Variants in IQCE observed in about 807,000 individuals in gnomAD.
IQCE encodes IQ domain-containing protein E.
In IQCE, 115 loss-of-function variants were observed where a neutral mutation model predicts 96.0. The observed-to-expected ratio is 1.20, with a 90% CI of 1.03 to 1.40. The LOEUF is 1.40. IQCE is among the 40% of genes most tolerant of loss of function. IQCE has a pLI of 0.00. For synonymous variants in IQCE, 412 were observed against 371.2 expected (o/e 1.11, Z -1.26); for missense variants, 1,041 against 909.1 (o/e 1.15, Z -1.87).
At position 2,590,022 on chromosome 7, in the gene IQCE, A is replaced by G. The variant is rs776623235; in HGVS notation, c.1160A>G (p.Asn387Ser). The G allele has an allele frequency of 5.0e-6, 8 of 1,613,754 alleles. No homozygotes were observed. Among genetic ancestry groups the G allele is most frequent in the African/African-American group, 1.3e-5 (1 of 74,950 alleles). Residue 387 changes from asparagine to serine, a missense_variant, in exon 14 of 22, where the codon AAC (asparagine) becomes AGC (serine). By Grantham distance (46) the Asn-to-Ser change is conservative. Transcript: ENST00000402050. Reference sequence around the variant, plus strand: ...CACAGACAGCCACGAGGGGACCGCAACAAGGACCACGAGCGTCTCCGAGGG... The same window carrying G: ...CACAGACAGCCACGAGGGGACCGCAGCAAGGACCACGAGCGTCTCCGAGGG... ...ALHRQPRGDR[N>S]KDHERLRGAV...
intron 18 of IQCE, 49 bp from the exon 19 acceptor site, chr7:2,604,832 C>G (rs1464740198): frequency 6.3e-6 from 9 of 1,422,744 alleles, no homozygotes; most frequent in Non-Finnish European, 8.9e-6. Flanking sequence ...CCCGCCGTTG[C>G]CCCGGGCACT....
intron 1 of IQCE, among the ~76,000 whole-genome samples, chr7:2,560,008 C>T (rs1780822116): frequency 6.6e-6 from 1 of 152,036 alleles, no homozygotes; most frequent in Admixed American, 6.6e-5. Flanking sequence ...AAAACCATCA[C>T]ATTAGCCGAG....
Position 2,599,163 on chromosome 7 carries a change from C to G in IQCE, c.1608+531C>G, listed in dbSNP as rs373138560. 1.4e-4 allele frequency among the ~76,000 whole-genome samples: 22 copies of G among 152,310 alleles called. No individual in the cohort carries two copies. The South Asian group carries it at 4.6e-3, about 32-fold the overall frequency. On this transcript the variant is annotated intron_variant, in intron 17 of 21. Coordinates refer to ENST00000402050, the MANE Select transcript of IQCE (RefSeq NM_152558.5). The stretch of plus-strand genomic sequence containing the variant: ...TGGTTCACAGCAGCCCCCACCCTTT[C>G]TTTTCTTTAACCAACAGTTCACCCT...
chr7:2,598,885 T>A (rs1193224507), intron 17 of IQCE: 1 of 380,004 alleles, frequency 2.6e-6, no homozygotes, highest in Non-Finnish European at 4.7e-6. Context: ...GAAAGTAAGT[T>A]TTAGACGTTA....
At chr7:2,599,854 C>T (rs1048191982) in intron 17 of IQCE, among the ~76,000 whole-genome samples, 4 of 151,202 alleles carry the variant, frequency 2.6e-5, no homozygotes, top group South Asian at 2.1e-4. Context: ...AGTGCAGTGG[C>T]GGGATCTCAG....
At chr7:2,595,408 T>C (rs959848354) in intron 16 of IQCE, among the ~76,000 whole-genome samples, 2 of 152,128 alleles carry the variant, frequency 1.3e-5, no homozygotes, top group African/African-American at 4.8e-5. Context: ...CACTGCCCTC[T>C]GGGTGGGGTG....
chr7:2,559,173 G>T lies in IQCE; in HGVS notation c.-9G>T. ...CAACCCTGAGGGGCGGCCGGGCAGC[G>T]CCGCCACCATGTTCCTGGGCACCGG... On this transcript the variant is annotated 5_prime_UTR_variant, in exon 1 of 22. Coordinates refer to ENST00000402050, the MANE Select transcript of IQCE (RefSeq NM_152558.5). 1 of 1,213,906 alleles carries T rather than the reference G, an allele frequency of 8.2e-7. No individual in the cohort carries two copies. The highest frequency in any genetic ancestry group is 1.0e-6 in the Non-Finnish European group (1 of 975,906). The allele number at this position is 1,213,906 out of a possible 1,614,324, so 75.2% of individuals were successfully genotyped here.
intron 1 of IQCE, among the ~76,000 whole-genome samples, chr7:2,564,647 C>G (rs1350555507): frequency 6.6e-6 from 1 of 151,548 alleles, no homozygotes; most frequent in Non-Finnish European, 1.5e-5. Context: ...TTGTTGATTT[C>G]TAGTTTTCCT....
At chr7:2,593,458 C>T (rs2128461642) in intron 15 of IQCE, among the ~76,000 whole-genome samples, 1 of 152,404 alleles carries the variant, frequency 6.6e-6, no homozygotes, top group East Asian at 1.9e-4. Context: ...CGCCCGTGCC[C>T]TCACAGTAAT....
At chr7:2,590,320 C>T (rs540746452) in intron 14 of IQCE, among the ~76,000 whole-genome samples, 1 of 152,376 alleles carries the variant, frequency 6.6e-6, no homozygotes, top group Non-Finnish European at 1.5e-5. Context: ...AGGGAAGCAG[C>T]TCTCACTCCC....
rs878888974 is a variant in IQCE at position 2,576,694 on chromosome 7, C to T, written c.466-1548C>T. 4.6e-5 allele frequency among the ~76,000 whole-genome samples: 7 copies of T among 152,262 alleles called. No individual in the cohort carries two copies. In the East Asian group the frequency reaches 7.7e-4, roughly 17 times the overall value. ...GATTACAGGGGTAAGCCACCGTGCC[C>T]GGCCCCGACTACACAGTCTTTTTTG... On this transcript the variant is annotated intron_variant, in intron 6 of 21. Coordinates refer to ENST00000402050, the MANE Select transcript of IQCE (RefSeq NM_152558.5).
At chr7:2,587,910 G>C in intron 13 of IQCE, 33 bp downstream of exon 13, 1 of 1,599,488 alleles carries the variant, frequency 6.3e-7, no homozygotes. Flanking sequence ...CTGTCGTTGG[G>C]GACCAGGGGC....
intron 1 of IQCE, among the ~76,000 whole-genome samples, chr7:2,562,942 C>T (rs1781077128): frequency 6.6e-6 from 1 of 150,966 alleles, no homozygotes; most frequent in Non-Finnish European, 1.5e-5. Flanking sequence ...TTTTGTTTTT[C>T]AGAGACAGAA....
chr7:2,583,542 C>A, intron 9 of IQCE, 95 bp from the exon 10 acceptor site: 3 of 838,578 alleles, frequency 3.6e-6, no homozygotes, highest in African/African-American at 1.8e-5. Flanking sequence ...TTTCCAAAGC[C>A]TCTCCTCTTC....
intron 5 of IQCE, chr7:2,572,865 C>T (rs768074909): frequency 2.0e-5 from 8 of 394,064 alleles, no homozygotes; most frequent in South Asian, 1.5e-4. Flanking sequence ...CCACGTGTTT[C>T]CCACCTATCC....
At chr7:2,603,214 G>A (rs1784554720) in intron 18 of IQCE, among the ~76,000 whole-genome samples, 1 of 152,114 alleles carries the variant, frequency 6.6e-6, no homozygotes, top group Non-Finnish European at 1.5e-5. Flanking sequence ...ACCCACCACA[G>A]CCTGCCCAGG....
chr7:2,596,548 A>G (rs1425956703), intron 16 of IQCE, among the ~76,000 whole-genome samples: 1 of 152,190 alleles, frequency 6.6e-6, no homozygotes, highest in East Asian at 1.9e-4. Flanking sequence ...CAGCTCTCCA[A>G]GTAGGGGATC....
rs1780719726 is a variant in IQCE at position 2,559,106 on chromosome 7, C to T, written c.-76C>T. The T allele has an allele frequency of 2.0e-6, 2 of 979,998 alleles. No individual in the cohort carries two copies. The highest frequency in any genetic ancestry group is 1.7e-5 in the African/African-American group (1 of 58,568). The allele number at this position is 979,998 out of a possible 1,614,324, so 60.7% of individuals were successfully genotyped here. A position where few individuals can be genotyped will look rare whatever the true frequency, so the allele number is the denominator to read the frequency against. ...GGAAGGCCCCGAGGCTGCGGGCGGC[C>T]AGGGCTGCCCGCGGATTCCCAGACC... is the stretch of plus-strand genomic sequence containing the variant. On this transcript the variant is annotated 5_prime_UTR_variant, in exon 1 of 22. It introduces an in-frame stop codon into an upstream open reading frame of the 5' UTR. Transcript: ENST00000402050.
chr7:2,582,993 C>T (rs143803672), intron 9 of IQCE, among the ~76,000 whole-genome samples: 2 of 152,170 alleles, frequency 1.3e-5, no homozygotes, highest in Non-Finnish European at 2.9e-5. Context: ...CTTTCGAGTG[C>T]GAAGGGAGAG....
Sources: gnomAD v4.1 joint callset for allele counts (sites outside exome capture counted in the v4.1 genomes callset) on GRCh38, gnomAD v4.1.1 for gene constraint, MANE v1.5 for transcripts, NCBI Gene and HGNC (gene_info 2026-07-23, HGNC 2026-07-21) for gene names.